Variants in LIG1 observed in about 807,000 individuals in gnomAD.
LIG1 encodes the protein ligase I, DNA, ATP-dependent.
In LIG1, 70 loss-of-function variants were observed where a neutral mutation model predicts 115.7. The observed-to-expected ratio is 0.60, with a 90% CI of 0.50 to 0.74. LIG1 has a LOEUF of 0.74. LIG1 is among the 30% of genes least tolerant of loss of function. The pLI, the probability that LIG1 is intolerant of heterozygous loss-of-function variation, is 0.00. For synonymous variants in LIG1, 487 were observed against 495.3 expected (o/e 0.98, Z 0.22); for missense variants, 1,115 against 1,225.6 (o/e 0.91, Z 1.35).
chr19:48,131,617 C>T (rs1341835409), intron 18 of LIG1, among the ~76,000 whole-genome samples: 2 of 152,092 alleles, frequency 1.3e-5, no homozygotes, highest in Non-Finnish European at 2.9e-5. Flanking sequence ...CACCACCACA[C>T]CTGGCTAATT....
At chr19:48,162,192 AACACTTGCAACCAAG>A (rs2036218646) in intron 3 of LIG1, 55 bp downstream of exon 3, 1 of 1,430,758 alleles carries the variant, frequency 7.0e-7, no homozygotes, top group African/African-American at 1.4e-5. Context: ...ATTAGGTTTG[AACACTTGCAACCAAG>A]ACAATCCTGA....
rs55950593 is a variant in LIG1, at chr19:48,123,309, G to A, written c.2014C>T (p.Arg672Cys). The change falls in exon 22 of 28, where the codon CGT (arginine) becomes TGT (cysteine). Residue 672 changes from arginine to cysteine, a missense_variant. Coordinates refer to ENST00000263274, the MANE Select transcript of LIG1 (RefSeq NM_000234.3). ...LIYLNGESLV[R>C]EPLSRRRQLL... ...TGCCGGCGCCGGGAAAGGGGCTCAC[G>A]TACCAGGGACTGCAGGGCCGGCAGG... 2.6e-4 allele frequency: 426 copies of A among 1,613,528 alleles called. 2 individuals carry two copies. Among genetic ancestry groups the A allele is most frequent in the Middle Eastern group, 8.3e-4 (5 of 6,060 alleles).
intron 1 of LIG1, chr19:48,169,952 C>G (rs1159554033): frequency 9.1e-6 from 2 of 220,190 alleles, no homozygotes; most frequent in Non-Finnish European, 1.9e-5. Context: ...TTGGCCTCTC[C>G]CCTTTCCAGG....
At position 48,137,560 on chromosome 19, in the gene LIG1, T is replaced by C. The variant is rs2122633676; in HGVS notation, c.1216A>G (p.Ser406Gly). ...PPPLTASGVF[S>G]KFRDIARLTG... Reference sequence around the variant, plus strand: ...AGCCTGGCGATGTCGCGGAACTTGCTGAAGACCCCGGAGGCAGTGAGCGGA... The same window carrying C: ...AGCCTGGCGATGTCGCGGAACTTGCCGAAGACCCCGGAGGCAGTGAGCGGA... The change falls in exon 13 of 28, where the codon AGC (serine) becomes GGC (glycine). Residue 406 changes from serine (S) to glycine (G), a missense_variant. By Grantham distance (56) the Ser-to-Gly change is moderately conservative. Coordinates refer to ENST00000263274, the MANE Select transcript of LIG1 (RefSeq NM_000234.3). This position sits in a 1 kb window ranked among gnomAD's most constrained non-coding sequence, Gnocchi z 4.3. The C allele has an allele frequency of 1.2e-6, 2 of 1,613,480 alleles. No individual in the cohort carries two copies. Among genetic ancestry groups the C allele is most frequent in the Non-Finnish European group, 1.7e-6 (2 of 1,180,004 alleles).
chr19:48,141,630 C>T (rs946660299), intron 11 of LIG1, among the ~76,000 whole-genome samples: 2 of 152,222 alleles, frequency 1.3e-5, no homozygotes, highest in African/African-American at 4.8e-5. Flanking sequence ...CACCAAGCTG[C>T]ACCACCTCTA....
Position 48,136,140 on chromosome 19 carries a change from G to A in LIG1, c.1332-15C>T. 1 of 1,552,708 alleles carries A rather than the reference G, an allele frequency of 6.4e-7. No homozygotes were observed. The highest frequency in any genetic ancestry group is 1.2e-5 in the South Asian group (1 of 84,400). ...CGCTCAGGGACCTGGGGAGAGAGCA[G>A]GCCAGGGAAGGGGGCTTGTCTGCAC... On this transcript the variant is annotated splice_polypyrimidine_tract_variant and intron_variant, in intron 14 of 27. Transcript: ENST00000263274.
Position 48,115,492 on chromosome 19 carries a change from A to T in LIG1, c.*157T>A, listed in dbSNP as rs994986598. 2.3e-5 allele frequency: 15 copies of T among 653,770 alleles called. No individual in the cohort carries two copies. The highest frequency in any genetic ancestry group is 3.6e-5 in the African/African-American group (2 of 55,544). 40.5% of individuals were successfully genotyped at this position (653,770 alleles called of 1,614,324 possible). On this transcript the variant is annotated 3_prime_UTR_variant, in exon 28 of 28. Transcript: ENST00000263274. ...TGAAAGAAATGACGGGATGAATCCC[A>T]GACTCCGGAGTAAGCCACCCCCTCA...
chr19:48,163,365 G>A (rs904168147), intron 2 of LIG1, among the ~76,000 whole-genome samples: 2 of 152,058 alleles, frequency 1.3e-5, no homozygotes, highest in Non-Finnish European at 2.9e-5. Flanking sequence ...GAGATTACAG[G>A]TGGCCGCCAC....
chr19:48,134,112 T>G, intron 16 of LIG1, 46 bp from the exon 17 acceptor site: 1 of 1,509,004 alleles, frequency 6.6e-7, no homozygotes, highest in East Asian at 2.5e-5. Flanking sequence ...TTTCTAGAAC[T>G]CACACAGTTT....
At position 48,151,268 on chromosome 19, in the gene LIG1, G is replaced by T; in HGVS notation, c.538C>A (p.Gln180Lys). 1.2e-6 allele frequency: 2 copies of T among 1,613,764 alleles called. No homozygotes were observed. Among genetic ancestry groups the T allele is most frequent in the Non-Finnish European group, 1.7e-6 (2 of 1,179,776 alleles). The change falls in exon 7 of 28, where the codon CAG (glutamine) becomes AAG (lysine). Residue 180 changes from glutamine to lysine, a missense_variant. Physicochemically the swap from Gln to Lys is moderately conservative, Grantham distance 53. Coordinates refer to ENST00000263274, the MANE Select transcript of LIG1 (RefSeq NM_000234.3). ...AGGGGCTTGGGAGGCGTGGTGGGCT[G>T]GTCCCCGTCTTCTCCTTCCTTCTCT... The part of the protein sequence containing the change: ...ATEKEGEDGD[Q>K]PTTPPKPLKT...
chr19:48,147,896 C>T (rs548154329), intron 9 of LIG1, among the ~76,000 whole-genome samples: 1 of 152,166 alleles, frequency 6.6e-6, no homozygotes, highest in South Asian at 2.1e-4. Flanking sequence ...TAGGGGCCAG[C>T]CCCAGTGCTG....
In LIG1 at chr19:48,161,172, T is replaced by A. The variant is rs572003319; in HGVS notation, c.243+200A>T. 8.0e-5 allele frequency: 54 copies of A among 676,234 alleles called. 2 individuals are homozygous for A. The South Asian group carries it at 9.0e-4, about 11-fold the overall frequency. 41.9% of individuals were successfully genotyped at this position (676,234 alleles called of 1,614,324 possible). ...CAGTTGAGGCATCCAAGACCTAACG[T>A]GGTGAAGGAGCCCACCCGAGGTCCT... is the stretch of plus-strand genomic sequence containing the variant. On this transcript the variant is annotated intron_variant, in intron 4 of 27. Coordinates refer to ENST00000263274, the MANE Select transcript of LIG1 (RefSeq NM_000234.3).
At chr19:48,154,179 T>C (rs2035688413) in intron 5 of LIG1, 2 of 586,952 alleles carry the variant, frequency 3.4e-6, no homozygotes, top group South Asian at 1.8e-5. Flanking sequence ...AATTTCTCTG[T>C]GCTTTGCTCT....
intron 2 of LIG1, among the ~76,000 whole-genome samples, chr19:48,164,435 A>G (rs1329346135): frequency 6.6e-6 from 1 of 151,832 alleles, no homozygotes; most frequent in Non-Finnish European, 1.5e-5. Flanking sequence ...GATGCTTCTT[A>G]CCCCACATTC....
rs1334361684 is a variant in LIG1, at chr19:48,161,331, A to C, written c.243+41T>G. ...TCTGTTCCAAAGGTTAATGGGAATT[A>C]GTTTCTTCTGGTAAAAATGGGCAGG... On this transcript the variant is annotated intron_variant, in intron 4 of 27. Transcript: ENST00000263274. The C allele has an allele frequency of 2.5e-6, 4 of 1,613,402 alleles. No individual in the cohort carries two copies. In the South Asian group the frequency reaches 4.4e-5, roughly 18 times the overall value.
At chr19:48,126,579 C>A (rs2033681999) in intron 21 of LIG1, among the ~76,000 whole-genome samples, 1 of 149,364 alleles carries the variant, frequency 6.7e-6, no homozygotes, top group African/African-American at 2.5e-5. Flanking sequence ...GCACTCCAGC[C>A]TGGGTGACTG....
chr19:48,138,565 C>T (rs1030057547), intron 12 of LIG1, among the ~76,000 whole-genome samples: 10 of 152,152 alleles, frequency 6.6e-5, no homozygotes, highest in South Asian at 2.1e-4. Flanking sequence ...TCAAAGGGGA[C>T]GGGATTCTCC....
At chr19:48,142,127 C>A (rs28549163) in intron 11 of LIG1, among the ~76,000 whole-genome samples, 4,389 of 151,666 alleles carry the variant, frequency 0.029, 81 homozygotes, top group Middle Eastern at 0.085. Context: ...CATAGTGAAA[C>A]CCCATCTCTA....
intron 18 of LIG1, among the ~76,000 whole-genome samples, chr19:48,132,180 C>T (rs984620186): frequency 6.6e-6 from 1 of 152,144 alleles, no homozygotes; most frequent in Non-Finnish European, 1.5e-5. Flanking sequence ...CTTCCTGTAA[C>T]TGCCCCGAGC....
Sources: allele counts gnomAD v4.1 joint callset (sites outside exome capture counted in the v4.1 genomes callset), GRCh38; gene constraint gnomAD v4.1.1; non-coding constraint Gnocchi (gnomAD v3.1); transcripts MANE v1.5; gene names NCBI Gene and HGNC (gene_info 2026-07-23, HGNC 2026-07-21).